Variants in METTL25 observed in about 807,000 individuals in gnomAD.
The protein encoded by METTL25 is probable methyltransferase-like protein 25.
A neutral mutation model predicts 71.6 loss-of-function variants in METTL25; 64 were observed. That is an observed-to-expected ratio of 0.89 (90% CI 0.73 to 1.10). METTL25 has a LOEUF of 1.10. Ranked by LOEUF, METTL25 falls within the 50% of genes least tolerant of loss-of-function variation. The probability of loss-of-function intolerance (pLI) is 0.00; values close to 1 mark genes in which losing one functional copy is unlikely to be tolerated. For missense variants in METTL25, 807 were observed against 707.0 expected (o/e 1.14, Z -1.60); for synonymous variants, 287 against 250.3 (o/e 1.15, Z -1.38).
chr12:82,476,780 T>G (rs1892906499), intron 10 of METTL25, 62 bp downstream of exon 10: 2 of 1,024,570 alleles, frequency 2.0e-6, no homozygotes, highest in East Asian at 5.0e-5. Context: ...AGGGTCCTAT[T>G]AAATTTTATT....
intron 1 of METTL25, among the ~76,000 whole-genome samples, chr12:82,374,880 C>T (rs1411746818): frequency 6.6e-6 from 1 of 152,072 alleles, no homozygotes; most frequent in Non-Finnish European, 1.5e-5. Flanking sequence ...TCCATGGGGA[C>T]AATAGTGGTC....
At chr12:82,466,514 T>C (rs1892244843) in intron 9 of METTL25, among the ~76,000 whole-genome samples, 1 of 152,100 alleles carries the variant, frequency 6.6e-6, no homozygotes, top group South Asian at 2.1e-4. Flanking sequence ...TCCTAAGGTA[T>C]GGTTAATCCT....
At chr12:82,411,845 C>A (rs936363161) in intron 5 of METTL25, among the ~76,000 whole-genome samples, 9 of 152,076 alleles carry the variant, frequency 5.9e-5, no homozygotes, top group Non-Finnish European at 1.0e-4. Flanking sequence ...TTATAAATTA[C>A]AATTCCACGC....
intron 9 of METTL25, among the ~76,000 whole-genome samples, chr12:82,473,446 C>G (rs1565891097): frequency 1.3e-5 from 2 of 152,116 alleles, no homozygotes; most frequent in South Asian, 4.1e-4. Context: ...CACACAGCTA[C>G]TTGGCTGGCT....
At chr12:82,434,751 A>G (rs766996737) in intron 7 of METTL25, 27 bp downstream of exon 7, 8 of 1,603,452 alleles carry the variant, frequency 5.0e-6, no homozygotes, top group Non-Finnish European at 6.8e-6. Context: ...ACTGATGAAC[A>G]CGACAGTTTT....
intron 9 of METTL25, among the ~76,000 whole-genome samples, chr12:82,467,968 CT>C (rs991697711): frequency 6.6e-6 from 1 of 151,476 alleles, no homozygotes; most frequent in East Asian, 1.9e-4. Context: ...AGCCTATAGG[CT>C]TTTTTTTATT....
At chr12:82,399,780 C>T (rs1445739460) in intron 4 of METTL25, among the ~76,000 whole-genome samples, 2 of 152,070 alleles carry the variant, frequency 1.3e-5, no homozygotes, top group African/African-American at 4.8e-5. Context: ...TATGGAATTT[C>T]CTTGAGCAAG....
chr12:82,377,020 G>A (rs1312269888), intron 1 of METTL25, among the ~76,000 whole-genome samples: 7 of 152,038 alleles, frequency 4.6e-5, no homozygotes, highest in Non-Finnish European at 1.0e-4. Context: ...GGCTGAGTCA[G>A]GAGACTCTCT....
In METTL25 at chr12:82,386,896, A is replaced by C; in HGVS notation, c.353A>C (p.Gln118Pro). 1.2e-6 allele frequency: 2 copies of C among 1,613,542 alleles called. No homozygotes were observed. Among genetic ancestry groups the C allele is most frequent in the Non-Finnish European group, 1.7e-6 (2 of 1,179,662 alleles). Reference sequence around the variant, plus strand: ...CTGGCTGCGAAATACTATTCTGTACAAAACTTGGGAATATGTACTCCTTTT... The same window carrying C: ...CTGGCTGCGAAATACTATTCTGTACCAAACTTGGGAATATGTACTCCTTTT... ...FALAAKYYSV[Q>P]NLGICTPFEQ... is the part of the protein sequence containing the mutation. The change falls in exon 2 of 12, where the codon CAA becomes CCA. Residue 118 changes from glutamine to proline, a missense_variant. Physicochemically the swap from Gln to Pro is moderately conservative, Grantham distance 76. Transcript: ENST00000248306.
chr12:82,378,777 G>C (rs879481130), intron 1 of METTL25, among the ~76,000 whole-genome samples: 1 of 152,062 alleles, frequency 6.6e-6, no homozygotes, highest in Non-Finnish European at 1.5e-5. Flanking sequence ...TTATGATCCC[G>C]GCATTTGGGA....
intron 9 of METTL25, among the ~76,000 whole-genome samples, chr12:82,457,441 A>G (rs1891570881): frequency 6.6e-6 from 1 of 151,992 alleles, no homozygotes; most frequent in African/African-American, 2.4e-5. Context: ...AGAATAGAGT[A>G]TGTGGTCAAA....
chr12:82,372,643 G>C (rs1883359629), intron 1 of METTL25, among the ~76,000 whole-genome samples: 1 of 152,164 alleles, frequency 6.6e-6, no homozygotes, highest in Non-Finnish European at 1.5e-5. Flanking sequence ...CCAGGCCATA[G>C]TGCAGAAAAA....
rs191450488 is a variant in METTL25 at position 82,368,808 on chromosome 12, A to C, written c.259+9984A>C. ...GTCAATCTGGATCTTGAAATGAAAA[A>C]GTCTATATAACCAGTCAGTGGGTCA... On this transcript the variant is annotated intron_variant, in intron 1 of 11. Coordinates refer to ENST00000248306, the MANE Select transcript of METTL25 (RefSeq NM_032230.3). Among the ~76,000 whole-genome samples, 535 of 152,320 alleles carry C rather than the reference A, an allele frequency of 3.5e-3. 2 individuals are homozygous for C. The highest frequency in any genetic ancestry group is 0.012 in the African/African-American group (505 of 41,564).
At chr12:82,476,757 G>A (rs773358781) in intron 10 of METTL25, 39 bp downstream of exon 10, 2 of 1,334,606 alleles carry the variant, frequency 1.5e-6, no homozygotes, top group Non-Finnish European at 2.1e-6. Context: ...TGGATATGTT[G>A]CTAGACTTGA....
chr12:82,472,045 G>T (rs1357161215), intron 9 of METTL25, among the ~76,000 whole-genome samples: 4 of 151,964 alleles, frequency 2.6e-5, no homozygotes, highest in African/African-American at 9.7e-5. Context: ...TTTTGTTTTT[G>T]ATTCTTTGAG....
intron 1 of METTL25, among the ~76,000 whole-genome samples, chr12:82,367,250 G>T (rs1565798005): frequency 6.6e-6 from 1 of 151,970 alleles, no homozygotes; most frequent in Non-Finnish European, 1.5e-5. Context: ...ATATTTGGTT[G>T]CCTCTATTCG....
Position 82,426,064 on chromosome 12 carries a change from C to T in METTL25, c.1280-4829C>T, listed in dbSNP as rs189865047. ...TGGGTATATGAATGCAAAGAGAAGA[C>T]TGATACATAAAAGTAGAAATGGTGA... On this transcript the variant is annotated intron_variant, in intron 5 of 11. Transcript: ENST00000248306. Among the ~76,000 whole-genome samples the T allele has an allele frequency of 2.7e-3, 410 of 152,122 alleles. 3 individuals are homozygous for T. The highest frequency in any genetic ancestry group is 7.6e-3 in the Admixed American group (116 of 15,242).
At position 82,446,958 on chromosome 12, in the gene METTL25, A is replaced by G. The variant is rs1387806856; in HGVS notation, c.1478+8167A>G. ...CAAATGAAAATGAAGACAACATACC[A>G]GACTGTATAGTATTCAGCAAAAGAA... On this transcript the variant is annotated intron_variant, in intron 8 of 11. Transcript: ENST00000248306. 2.0e-5 allele frequency among the ~76,000 whole-genome samples: 3 copies of G among 152,176 alleles called. No individual in the cohort carries two copies. In the East Asian group the frequency reaches 5.8e-4, roughly 29 times the overall value.
chr12:82,425,689 A>C (rs1464164456), intron 5 of METTL25, among the ~76,000 whole-genome samples: 1 of 152,130 alleles, frequency 6.6e-6, no homozygotes, highest in African/African-American at 2.4e-5. Flanking sequence ...AAACAAAGCG[A>C]CTAAAGATTT....
Sources: gnomAD v4.1 joint callset for allele counts (sites outside exome capture counted in the v4.1 genomes callset) on GRCh38, gnomAD v4.1.1 for gene constraint, MANE v1.5 for transcripts, NCBI Gene and HGNC (gene_info 2026-07-23, HGNC 2026-07-21) for gene names.